The following ANKRD12 variants were observed in gnomAD, a reference collection of about 807,000 sequenced individuals.
The protein encoded by ANKRD12 is ankyrin repeat domain 12.
In ANKRD12, 85 loss-of-function variants were observed where a neutral mutation model predicts 183.4. The ratio of observed to expected loss-of-function variants is 0.46; its 90% CI spans 0.39 to 0.56. The LOEUF is 0.56. Ranked by LOEUF, ANKRD12 falls within the 20% of genes least tolerant of loss-of-function variation. The pLI is 0.00. For missense variants in ANKRD12, 2,405 were observed against 2,357.1 expected, an observed-to-expected ratio of 1.02 and a Z score of -0.42; for synonymous variants, 914 against 800.2, an observed-to-expected ratio of 1.14 and a Z score of -2.40.
At chr18:9,164,762 G>A (rs1335033382) in intron 1 of ANKRD12, among the ~76,000 whole-genome samples, 1 of 152,120 alleles carries the variant, frequency 6.6e-6, no homozygotes, top group East Asian at 1.9e-4. Context: ...AAGAGAGTTT[G>A]TTGTAATTTC....
intron 2 of ANKRD12, among the ~76,000 whole-genome samples, chr18:9,187,487 G>A (rs1036931158): frequency 1.3e-5 from 2 of 152,122 alleles, no homozygotes; most frequent in African/African-American, 2.4e-5. Context: ...GAATATTGCT[G>A]TTATGAGGTC....
At chr18:9,150,859 T>TA (rs2078662360) in intron 1 of ANKRD12, among the ~76,000 whole-genome samples, 1 of 152,092 alleles carries the variant, frequency 6.6e-6, no homozygotes, top group South Asian at 2.1e-4. Context: ...TTCACCATAT[T>TA]AGCCAGGATG....
At chr18:9,196,478 A>G (rs996280383) in intron 3 of ANKRD12, among the ~76,000 whole-genome samples, 3 of 152,206 alleles carry the variant, frequency 2.0e-5, no homozygotes, top group Admixed American at 6.5e-5. Context: ...CTGTTCTTAA[A>G]AATGTTTTAG....
chr18:9,248,709 C>A (rs1313127226), intron 8 of ANKRD12, among the ~76,000 whole-genome samples: 2 of 152,020 alleles, frequency 1.3e-5, no homozygotes, highest in Non-Finnish European at 2.9e-5. Flanking sequence ...GCTGAGAAAA[C>A]CAGGAGCTCA....
chr18:9,239,846 T>A (rs2037556472), intron 8 of ANKRD12, among the ~76,000 whole-genome samples: 1 of 152,216 alleles, frequency 6.6e-6, no homozygotes. Flanking sequence ...CTTAATAAAT[T>A]TGGAGTAACT....
intron 7 of ANKRD12, among the ~76,000 whole-genome samples, chr18:9,217,398 T>C (rs551382045): frequency 1.4e-4 from 21 of 152,264 alleles, no homozygotes; most frequent in Non-Finnish European, 2.5e-4. Context: ...AAATAATACC[T>C]ATCTAAAATT....
At chr18:9,142,099 A>G (rs543168702) in intron 1 of ANKRD12, among the ~76,000 whole-genome samples, 17 of 152,254 alleles carry the variant, frequency 1.1e-4, no homozygotes, top group African/African-American at 3.1e-4. Flanking sequence ...AAGAGTTACA[A>G]TAGAACTCTA....
intron 3 of ANKRD12, among the ~76,000 whole-genome samples, chr18:9,202,571 A>T (rs888540134): frequency 2.0e-5 from 3 of 152,144 alleles, no homozygotes; most frequent in Admixed American, 6.5e-5. Flanking sequence ...TTTCCTTGCA[A>T]CCCAAGCAAA....
chr18:9,165,881 C>A (rs2143863960), intron 1 of ANKRD12, among the ~76,000 whole-genome samples: 1 of 137,040 alleles, frequency 7.3e-6, no homozygotes, highest in African/African-American at 2.7e-5. Context: ...TCCCCCCACC[C>A]CACAACAGTC....
At chr18:9,270,561 A>G (rs2039543135) in intron 10 of ANKRD12, among the ~76,000 whole-genome samples, 2 of 152,200 alleles carry the variant, frequency 1.3e-5, no homozygotes, top group South Asian at 2.1e-4. Context: ...TGGGAATTGA[A>G]CAATGAGAAC....
At chr18:9,227,824 C>T (rs1430454284) in intron 8 of ANKRD12, among the ~76,000 whole-genome samples, 2 of 152,162 alleles carry the variant, frequency 1.3e-5, no homozygotes, top group African/African-American at 2.4e-5. Context: ...CAAGTCATCT[C>T]TTCTAGTTAC....
intron 1 of ANKRD12, among the ~76,000 whole-genome samples, chr18:9,149,795 T>TTA (rs2078621354): frequency 1.2e-4 from 5 of 43,204 alleles, no homozygotes; most frequent in South Asian, 9.2e-4. Flanking sequence ...TTTATTAAAT[T>TTA]TTATTTTTTT....
At chr18:9,204,806 C>A (rs1194902303) in intron 4 of ANKRD12, among the ~76,000 whole-genome samples, 2 of 152,140 alleles carry the variant, frequency 1.3e-5, no homozygotes, top group Admixed American at 6.6e-5. Flanking sequence ...ATGTGGGGAA[C>A]ACCATTCACG....
At chr18:9,260,021 G>T (rs2038874853) in intron 9 of ANKRD12, 1 of 152,118 alleles carries the variant, frequency 6.6e-6, no homozygotes, top group Non-Finnish European at 1.5e-5. Flanking sequence ...TCCAGACTTT[G>T]TACATAAAAT....
Position 9,208,808 on chromosome 18 carries a change from T to C in ANKRD12, c.451+5T>C. 2 of 1,550,546 alleles carry C rather than the reference T, an allele frequency of 1.3e-6. No homozygotes were observed. Among genetic ancestry groups the C allele is most frequent in the Non-Finnish European group, 1.7e-6 (2 of 1,147,970 alleles). ...CAGCAAGAGACAACAGTCCAGGTGATACCTACCATCATTGAGTTAATGTGT... is the reference window on the plus strand; with the variant it reads ...CAGCAAGAGACAACAGTCCAGGTGACACCTACCATCATTGAGTTAATGTGT... On this transcript the variant is annotated splice_donor_5th_base_variant and intron_variant, in intron 5 of 12. Transcript: ENST00000262126.
intron 6 of ANKRD12, among the ~76,000 whole-genome samples, chr18:9,214,436 A>G (rs1250277280): frequency 3.3e-5 from 5 of 152,092 alleles, no homozygotes; most frequent in Admixed American, 1.3e-4. Flanking sequence ...GGTGAGCTCA[A>G]ATATTGGGAC....
chr18:9,243,690 T>G (rs964461622), intron 8 of ANKRD12, among the ~76,000 whole-genome samples: 4 of 152,192 alleles, frequency 2.6e-5, no homozygotes, highest in African/African-American at 4.8e-5. Flanking sequence ...AAGAATAGAC[T>G]AGACATTGCT....
intron 8 of ANKRD12, among the ~76,000 whole-genome samples, chr18:9,235,044 A>ACC (rs1486238566): frequency 6.6e-6 from 1 of 152,048 alleles, no homozygotes; most frequent in Admixed American, 6.6e-5. Flanking sequence ...CTTCCTAGAT[A>ACC]CCCTATTCAA....
At chr18:9,205,841 A>G (rs1036346279) in intron 4 of ANKRD12, among the ~76,000 whole-genome samples, 1 of 152,106 alleles carries the variant, frequency 6.6e-6, no homozygotes, top group Admixed American at 6.6e-5. Flanking sequence ...TGATTCTTAT[A>G]GTGACTACTT....
Sources: gnomAD v4.1 joint callset for allele counts (sites outside exome capture counted in the v4.1 genomes callset) on GRCh38, gnomAD v4.1.1 for gene constraint, MANE v1.5 for transcripts, NCBI Gene and HGNC (gene_info 2026-07-23, HGNC 2026-07-21) for gene names.